Variants in OCIAD1 observed in about 807,000 individuals in gnomAD.
OCIAD1 encodes the protein OCIA domain-containing protein 1.
OCIAD1 carries 29 observed loss-of-function variants against 38.9 expected under a neutral mutation model. The observed-to-expected ratio is 0.74, with a 90% confidence interval of 0.55 to 1.02. The LOEUF is 1.02. Among genes scored for constraint, OCIAD1 ranks in the 50% least tolerant of loss-of-function variants. The pLI is 0.00. For missense variants in OCIAD1, 288 were observed against 289.6 expected (o/e 0.99, Z 0.04); for synonymous variants, 110 against 92.0 (o/e 1.20, Z -1.12).
chr4:48,858,359 C>T (rs904615634), intron 8 of OCIAD1, among the ~76,000 whole-genome samples: 8 of 152,132 alleles, frequency 5.3e-5, no homozygotes, highest in Non-Finnish European at 7.3e-5. Context: ...GTTGGCGTTG[C>T]GCTGTAATAC....
At chr4:48,821,899 A>C (rs1777198086) in intron 1 of OCIAD1, among the ~76,000 whole-genome samples, 1 of 152,228 alleles carries the variant, frequency 6.6e-6, no homozygotes, top group African/African-American at 2.4e-5. Flanking sequence ...ACGAGAGGAC[A>C]CAAACAAATG....
chr4:48,825,914 T>A (rs1342489259), intron 1 of OCIAD1, among the ~76,000 whole-genome samples: 1 of 152,108 alleles, frequency 6.6e-6, no homozygotes, highest in Non-Finnish European at 1.5e-5. Context: ...CTTGGCTCAC[T>A]GCAACCTCCA....
intron 8 of OCIAD1, among the ~76,000 whole-genome samples, chr4:48,860,379 A>G (rs1780495420): frequency 1.3e-5 from 2 of 151,374 alleles, no homozygotes; most frequent in Admixed American, 1.3e-4. Flanking sequence ...ATGTAAAGGT[A>G]CCTAGGCTTT....
intron 1 of OCIAD1, among the ~76,000 whole-genome samples, chr4:48,817,287 G>A (rs1323799232): frequency 2.0e-5 from 3 of 152,208 alleles, no homozygotes; most frequent in Admixed American, 6.5e-5. Context: ...TGCAGATCAG[G>A]AGATTCCTAC....
At chr4:48,812,167 C>G (rs1777094832) in intron 1 of OCIAD1, among the ~76,000 whole-genome samples, 1 of 150,996 alleles carries the variant, frequency 6.6e-6, no homozygotes, top group Admixed American at 6.6e-5. Flanking sequence ...CCTGTATTCC[C>G]AGCTACTTGG....
At position 48,839,919 on chromosome 4, in the gene OCIAD1, G is replaced by GA. The variant is rs1778371991; in HGVS notation, c.140-2717_140-2716insA. On this transcript the variant is annotated intron_variant, in intron 3 of 8. Transcript: ENST00000264312. ...CTGACTAGGGAGTCAGGAGACTTGGGTTCTGATCTCAGCATTACCACAAAC... is the reference window on the plus strand; with the variant it reads ...CTGACTAGGGAGTCAGGAGACTTGGGATTCTGATCTCAGCATTACCACAAAC... Among the ~76,000 whole-genome samples, 4 of 152,154 alleles carry GA rather than the reference G, an allele frequency of 2.6e-5. No homozygotes were observed. The South Asian group carries it at 8.3e-4, about 32-fold the overall frequency.
At chr4:48,826,648 C>T (rs1777255165), upstream of OCIAD1, among the ~76,000 whole-genome samples, 1 of 152,128 alleles carries the variant, frequency 6.6e-6, no homozygotes, top group Non-Finnish European at 1.5e-5. Context: ...TTATTACACA[C>T]TTACATATTT....
chr4:48,848,992 G>A (rs1779193086), intron 5 of OCIAD1, among the ~76,000 whole-genome samples: 1 of 152,284 alleles, frequency 6.6e-6, no homozygotes, highest in East Asian at 1.9e-4. Flanking sequence ...CATGTCCTCT[G>A]TAGGGACATG....
intron 4 of OCIAD1, among the ~76,000 whole-genome samples, chr4:48,845,896 G>A (rs1461273038): frequency 6.6e-6 from 1 of 152,220 alleles, no homozygotes; most frequent in Non-Finnish European, 1.5e-5. Flanking sequence ...GTCACAAAGA[G>A]TATTGCGTTA....
At chr4:48,857,790 G>C (rs1002913310) in intron 8 of OCIAD1, among the ~76,000 whole-genome samples, 3 of 152,170 alleles carry the variant, frequency 2.0e-5, no homozygotes, top group African/African-American at 7.2e-5. Context: ...TAGGATTACA[G>C]GCTTGAGCCA....
intron 1 of OCIAD1, among the ~76,000 whole-genome samples, chr4:48,814,764 A>AT (rs992704703): frequency 2.6e-5 from 4 of 151,962 alleles, no homozygotes; most frequent in African/African-American, 9.7e-5. Flanking sequence ...AAGAACTCAC[A>AT]TTTTCTGCAT....
chr4:48,834,793 AAAGGGCAACTT>A (rs1469789217), intron 3 of OCIAD1, among the ~76,000 whole-genome samples: 1 of 152,184 alleles, frequency 6.6e-6, no homozygotes, highest in Middle Eastern at 3.2e-3. Context: ...GAAAAGAAAA[AAAGGGCAACTT>A]AAGCCATTAA....
At chr4:48,853,209 A>T (rs1779699916) in intron 7 of OCIAD1, among the ~76,000 whole-genome samples, 1 of 152,106 alleles carries the variant, frequency 6.6e-6, no homozygotes, top group Admixed American at 6.6e-5. Context: ...TAAACTGGTA[A>T]TAAAATCTGA....
At chr4:48,807,890 T>C (rs1047826706) in intron 1 of OCIAD1, among the ~76,000 whole-genome samples, 4 of 152,238 alleles carry the variant, frequency 2.6e-5, no homozygotes, top group Non-Finnish European at 4.4e-5. Context: ...ATCTATGGCC[T>C]GATGTCTCTA....
intron 1 of OCIAD1, among the ~76,000 whole-genome samples, chr4:48,815,448 G>A (rs1777134950): frequency 6.6e-6 from 1 of 152,176 alleles, no homozygotes; most frequent in Admixed American, 6.5e-5. Flanking sequence ...AACTTCATTT[G>A]CATGAAACTA....
intron 8 of OCIAD1, 37 bp downstream of exon 8, chr4:48,857,402 G>T: frequency 7.3e-7 from 1 of 1,369,182 alleles, no homozygotes; most frequent in Non-Finnish European, 9.7e-7. Context: ...TACTGTTGAG[G>T]ATTGGAAACT....
chr4:48,851,158 A>G (rs1316602780), intron 6 of OCIAD1, among the ~76,000 whole-genome samples: 1 of 152,324 alleles, frequency 6.6e-6, no homozygotes, highest in East Asian at 1.9e-4. Flanking sequence ...TACCTTCTCA[A>G]TTGACATGGG....
At chr4:48,812,442 T>C (rs1256405469) in intron 1 of OCIAD1, among the ~76,000 whole-genome samples, 4 of 147,540 alleles carry the variant, frequency 2.7e-5, no homozygotes, top group African/African-American at 5.0e-5. Context: ...CACCCCAAAA[T>C]TTGGAAATCA....
chr4:48,844,405 G>A (rs2109560823), intron 4 of OCIAD1, among the ~76,000 whole-genome samples: 1 of 152,202 alleles, frequency 6.6e-6, no homozygotes, highest in Admixed American at 6.5e-5. Flanking sequence ...CACAAGGTTA[G>A]GAAATCGAGA....
Sources: allele counts gnomAD v4.1 joint callset (sites outside exome capture counted in the v4.1 genomes callset), GRCh38; gene constraint gnomAD v4.1.1; transcripts MANE v1.5; gene names NCBI Gene and HGNC (gene_info 2026-07-23, HGNC 2026-07-21).